The following ROR2 variants were observed in gnomAD, a reference collection of about 807,000 sequenced individuals.
The protein encoded by ROR2 is tyrosine-protein kinase transmembrane receptor ROR2.
Under a neutral mutation model 74.9 loss-of-function variants are expected in ROR2, and 33 were observed. That is an observed-to-expected ratio of 0.44 (90% CI 0.33 to 0.59). ROR2 has a LOEUF of 0.59. Among genes scored for constraint, ROR2 ranks in the 20% least tolerant of loss-of-function variants. ROR2 has a pLI of 0.02. For missense variants in ROR2, 1,216 were observed against 1,313.8 expected (o/e 0.93, Z 1.15); for synonymous variants, 586 against 558.7 (o/e 1.05, Z -0.69).
At chr9:91,949,754 C>G in intron 1 of ROR2, 113 bp downstream of exon 1, 1 of 733,938 alleles carries the variant, frequency 1.4e-6, no homozygotes, top group Non-Finnish European at 2.4e-6. Context: ...TGGCGCCCCT[C>G]GTTCAGGAGC....
At chr9:91,871,303 G>A (rs1829790096) in intron 1 of ROR2, among the ~76,000 whole-genome samples, 1 of 152,162 alleles carries the variant, frequency 6.6e-6, no homozygotes. Context: ...CACTATCTGT[G>A]TTTCTTACTA....
At chr9:91,768,073 G>A (rs191921589) in intron 2 of ROR2, among the ~76,000 whole-genome samples, 105 of 152,276 alleles carry the variant, frequency 6.9e-4, no homozygotes, top group African/African-American at 2.2e-3. Flanking sequence ...GAGTGATGCC[G>A]CCACAGCCAC....
intron 1 of ROR2, among the ~76,000 whole-genome samples, chr9:91,919,749 G>A (rs1831219403): frequency 6.6e-6 from 1 of 152,062 alleles, no homozygotes; most frequent in Admixed American, 6.6e-5. Context: ...GCAGGGTGGG[G>A]GCCGGAGTGG....
intron 1 of ROR2, among the ~76,000 whole-genome samples, chr9:91,923,334 C>T (rs910091420): frequency 6.6e-6 from 1 of 152,308 alleles, no homozygotes; most frequent in East Asian, 1.9e-4. Context: ...TTAAGTTTGG[C>T]TAGTGCAGCC....
rs548660104 is a variant in ROR2 at position 91,859,251 on chromosome 9, G to T, written c.98-83433C>A. Among the ~76,000 whole-genome samples, 26 of 144,714 alleles carry T rather than the reference G, an allele frequency of 1.8e-4. No individual in the cohort carries two copies. The East Asian group carries it at 5.3e-3, about 30-fold the overall frequency. 94.9% of individuals were successfully genotyped at this position (144,714 alleles called of 152,430 possible). On this transcript the variant is annotated intron_variant, in intron 1 of 8. Transcript: ENST00000375708. ...GAGTCTCACTCTGTTGCCCAGGCTG[G>T]AGTGCAGTGGTGCCATCTTGGCTCA...
intron 1 of ROR2, among the ~76,000 whole-genome samples, chr9:91,931,662 C>T (rs1367903740): frequency 6.6e-6 from 1 of 152,066 alleles, no homozygotes; most frequent in Non-Finnish European, 1.5e-5. Flanking sequence ...TAGCAGATCA[C>T]ACTATCTACA....
intron 1 of ROR2, among the ~76,000 whole-genome samples, chr9:91,783,385 G>A (rs919172454): frequency 2.6e-5 from 4 of 152,188 alleles, no homozygotes; most frequent in East Asian, 1.9e-4. Context: ...CTCACAGTGA[G>A]TGCCTCGCTG....
At chr9:91,912,097 T>G (rs1831007108) in intron 1 of ROR2, among the ~76,000 whole-genome samples, 1 of 152,198 alleles carries the variant, frequency 6.6e-6, no homozygotes. Flanking sequence ...AAATGCAATG[T>G]GGGATCCTGG....
At chr9:91,816,248 A>T (rs928209286) in intron 1 of ROR2, among the ~76,000 whole-genome samples, 1 of 151,968 alleles carries the variant, frequency 6.6e-6, no homozygotes, top group Non-Finnish European at 1.5e-5. Context: ...GCTCTACCAC[A>T]TTACCCAAAT....
At chr9:91,814,887 C>T (rs560590008) in intron 1 of ROR2, among the ~76,000 whole-genome samples, 1 of 152,320 alleles carries the variant, frequency 6.6e-6, no homozygotes, top group South Asian at 2.1e-4. Flanking sequence ...CCAGCTGAAA[C>T]CCAGGCCCGG....
rs934463261 is a variant in ROR2, at chr9:91,757,216, C to T, written c.463+56G>A. 482 of 1,608,504 alleles carry T rather than the reference C, an allele frequency of 3.0e-4. 1 individual carries two copies. The highest frequency in any genetic ancestry group is 4.9e-4 in the Middle Eastern group (3 of 6,068). On this transcript the variant is annotated intron_variant, in intron 3 of 8. Coordinates refer to ENST00000375708, the MANE Select transcript of ROR2 (RefSeq NM_004560.4). Reference sequence around the variant, plus strand: ...TCAAATAGCAACTGGACCTCTTGCTCGGTGGCTGGGAACCTTCATATCTGC... The same window carrying T: ...TCAAATAGCAACTGGACCTCTTGCTTGGTGGCTGGGAACCTTCATATCTGC...
intron 1 of ROR2, among the ~76,000 whole-genome samples, chr9:91,808,897 G>A (rs571928568): frequency 6.6e-6 from 1 of 151,748 alleles, no homozygotes; most frequent in African/African-American, 2.4e-5. Flanking sequence ...CAGCTACTCA[G>A]GAGGCTGAGG....
Position 91,792,765 on chromosome 9 carries a change from T to C in ROR2, c.98-16947A>G, listed in dbSNP as rs377433292. On this transcript the variant is annotated intron_variant, in intron 1 of 8. Transcript: ENST00000375708. Reference sequence around the variant, plus strand: ...TAAAGGAATATTAAGAACAATTGTGTCCCAACAAATTAGATAACCTAGAGG... The same window carrying C: ...TAAAGGAATATTAAGAACAATTGTGCCCCAACAAATTAGATAACCTAGAGG... Among the ~76,000 whole-genome samples, 11 of 152,136 alleles carry C rather than the reference T, an allele frequency of 7.2e-5. No individual in the cohort carries two copies. In the South Asian group the frequency reaches 2.3e-3, roughly 32 times the overall value.
At chr9:91,771,423 A>G (rs763129285) in intron 2 of ROR2, among the ~76,000 whole-genome samples, 20 of 152,388 alleles carry the variant, frequency 1.3e-4, no homozygotes, top group Admixed American at 2.0e-4. Context: ...TAGGTCAGAT[A>G]TAAGCCTCTG....
intron 1 of ROR2, among the ~76,000 whole-genome samples, chr9:91,853,576 C>T (rs1269911233): frequency 2.0e-5 from 3 of 152,096 alleles, no homozygotes; most frequent in South Asian, 2.1e-4. Flanking sequence ...TCTGAAGCCC[C>T]GAGGAGTAGT....
intron 4 of ROR2, among the ~76,000 whole-genome samples, chr9:91,746,276 C>A (rs1050202514): frequency 6.6e-6 from 1 of 152,066 alleles, no homozygotes; most frequent in Non-Finnish European, 1.5e-5. Flanking sequence ...AGGGTTTCAC[C>A]AAGTTGGCCC....
Position 91,724,157 on chromosome 9 carries a change from G to A in ROR2, c.2337C>T (p.Ser779=). 1 of 1,611,884 alleles carries A rather than the reference G, an allele frequency of 6.2e-7. No homozygotes were observed. The highest frequency in any genetic ancestry group is 1.1e-5 in the South Asian group (1 of 91,084). ...CCACGTAGCGGGCGTTGCTCACATT[G>A]CTCACTGGGCTGGTGCTCAGGGAGC... ...QTSSLSTSPV[S]NVSNARYVGP... The change falls in exon 9 of 9, where the codon AGC becomes AGT. Residue 779 remains serine, a synonymous_variant. Coordinates refer to ENST00000375708, the MANE Select transcript of ROR2 (RefSeq NM_004560.4).
chr9:91,834,554 G>A (rs1396277240), intron 1 of ROR2, among the ~76,000 whole-genome samples: 4 of 152,294 alleles, frequency 2.6e-5, no homozygotes, highest in East Asian at 1.9e-4. Context: ...CAGTCCCGTC[G>A]TCAGCAGGGC....
At chr9:91,755,264 G>C (rs191053932) in intron 4 of ROR2, among the ~76,000 whole-genome samples, 1 of 152,354 alleles carries the variant, frequency 6.6e-6, no homozygotes, top group East Asian at 1.9e-4. Flanking sequence ...TCATGGGTGG[G>C]TAATGGGTAC....
Sources: gnomAD v4.1 joint callset for allele counts (sites outside exome capture counted in the v4.1 genomes callset) on GRCh38, gnomAD v4.1.1 for gene constraint, MANE v1.5 for transcripts, NCBI Gene and HGNC (gene_info 2026-07-23, HGNC 2026-07-21) for gene names.